Variants in ANAPC10 observed in about 807,000 individuals in gnomAD.
ANAPC10 encodes anaphase promoting complex subunit 10.
A neutral mutation model predicts 22.0 loss-of-function variants in ANAPC10; 12 were observed. The observed-to-expected ratio is 0.55, with a 90% CI of 0.35 to 0.88. ANAPC10 has a LOEUF of 0.88. Ranked by LOEUF, ANAPC10 falls within the 40% of genes least tolerant of loss-of-function variation. The pLI is 0.01. For synonymous variants in ANAPC10, 65 were observed against 69.5 expected (o/e 0.94, Z 0.32); for missense variants, 188 against 220.9 (o/e 0.85, Z 0.94).
At chr4:145,030,420 C>T (rs1011668243) in intron 4 of ANAPC10, among the ~76,000 whole-genome samples, 3 of 152,190 alleles carry the variant, frequency 2.0e-5, no homozygotes, top group African/African-American at 7.2e-5. Context: ...AAGGTAACTG[C>T]ACTGGGGAAA....
intron 4 of ANAPC10, among the ~76,000 whole-genome samples, chr4:145,022,675 A>G (rs1246367744): frequency 6.6e-6 from 1 of 151,930 alleles, no homozygotes; most frequent in Non-Finnish European, 1.5e-5. Context: ...ATTAAAAAGC[A>G]TATATAGGCA....
In ANAPC10 at chr4:145,058,924, C is replaced by T. The variant is rs184066588; in HGVS notation, c.327+5648G>A. On this transcript the variant is annotated intron_variant, in intron 4 of 4. Coordinates refer to ENST00000507656, the MANE Select transcript of ANAPC10 (RefSeq NM_001256706.2). ...TTTGGCCTAAAAATTATGTGTATCA[C>T]ACCAAAACATTCTACAATGACTTCA... Among the ~76,000 whole-genome samples the T allele has an allele frequency of 4.9e-3, 744 of 152,160 alleles. 1 individual carries two copies. The highest frequency in any genetic ancestry group is 7.2e-3 in the Non-Finnish European group (489 of 67,958).
chr4:145,064,608 TCTGA>T lies in ANAPC10; in HGVS notation c.287_290del (p.Val96GlufsTer2), dbSNP rs1425055224. The T allele has an allele frequency of 6.2e-7, 1 of 1,608,920 alleles. No homozygotes were observed. The highest frequency in any genetic ancestry group is 8.5e-7 in the Non-Finnish European group (1 of 1,177,382). On this transcript the variant is annotated frameshift_variant, in exon 4 of 5. Transcript: ENST00000507656. LOFTEE classifies it high-confidence loss of function. ...GAAGGTTGTGAAAATTATTTCCTAC[TCTGA>T]CTGAGATCTTGCTTGGAGTATAGCT...
At chr4:145,050,796 T>C (rs1044074452) in intron 4 of ANAPC10, among the ~76,000 whole-genome samples, 2 of 152,198 alleles carry the variant, frequency 1.3e-5, no homozygotes, top group Non-Finnish European at 2.9e-5. Context: ...CTTCCTAATA[T>C]TGAAGAGAAT....
intron 4 of ANAPC10, among the ~76,000 whole-genome samples, chr4:145,043,827 T>G (rs1292627158): frequency 6.6e-6 from 1 of 152,090 alleles, no homozygotes; most frequent in Non-Finnish European, 1.5e-5. Flanking sequence ...CTAAAATGTT[T>G]CCAGATAAAA....
intron 4 of ANAPC10, among the ~76,000 whole-genome samples, chr4:145,011,858 G>A (rs948199514): frequency 6.6e-6 from 1 of 152,076 alleles, no homozygotes; most frequent in Non-Finnish European, 1.5e-5. Context: ...TCAGGGCTAA[G>A]GAGGGAAGCA....
chr4:145,017,493 G>A (rs992302709), intron 4 of ANAPC10, among the ~76,000 whole-genome samples: 1 of 152,218 alleles, frequency 6.6e-6, no homozygotes, highest in Non-Finnish European at 1.5e-5. Flanking sequence ...AGGATGTGGA[G>A]AAATAGGAAC....
At chr4:145,081,795 A>C in intron 2 of ANAPC10, 45 bp from the exon 3 acceptor site, 1 of 1,305,542 alleles carries the variant, frequency 7.7e-7, no homozygotes, top group African/African-American at 1.5e-5. Flanking sequence ...AAAAAGAAAC[A>C]ACTATACATG....
At chr4:145,012,531 A>G (rs1734507071) in intron 4 of ANAPC10, among the ~76,000 whole-genome samples, 1 of 152,134 alleles carries the variant, frequency 6.6e-6, no homozygotes, top group African/African-American at 2.4e-5. Context: ...CATCAGATTC[A>G]TTTAACAGCA....
At chr4:145,048,491 T>G (rs1255808337) in intron 4 of ANAPC10, among the ~76,000 whole-genome samples, 1 of 152,180 alleles carries the variant, frequency 6.6e-6, no homozygotes, top group Non-Finnish European at 1.5e-5. Context: ...TTCTTCTACT[T>G]ACAGATTCAT....
chr4:145,037,701 C>T (rs1490055856), intron 4 of ANAPC10, among the ~76,000 whole-genome samples: 7 of 152,154 alleles, frequency 4.6e-5, no homozygotes, highest in Non-Finnish European at 1.0e-4. Flanking sequence ...AATCCCATGT[C>T]TTTCGGAGGC....
At chr4:145,045,214 A>G (rs1740120629) in intron 4 of ANAPC10, among the ~76,000 whole-genome samples, 1 of 152,138 alleles carries the variant, frequency 6.6e-6, no homozygotes, top group Admixed American at 6.6e-5. Flanking sequence ...ACTGTTTACT[A>G]TGTGACCAGG....
At chr4:145,009,806 G>T (rs1734001583) in intron 4 of ANAPC10, among the ~76,000 whole-genome samples, 1 of 152,104 alleles carries the variant, frequency 6.6e-6, no homozygotes, top group African/African-American at 2.4e-5. Flanking sequence ...GGCAACAAAA[G>T]CCAAAATTGA....
rs924527394 is a variant in ANAPC10, at chr4:145,050,150, T to G, written c.327+14422A>C. ...AATGCCTAAAGAAATGTATAAGACT[T>G]GGAAGTCAAAATTATTCCTTGATCC... On this transcript the variant is annotated intron_variant, in intron 4 of 4. Coordinates refer to ENST00000507656, the MANE Select transcript of ANAPC10 (RefSeq NM_001256706.2). Among the ~76,000 whole-genome samples, 5 of 152,336 alleles carry G rather than the reference T, an allele frequency of 3.3e-5. No individual in the cohort carries two copies. In the South Asian group the frequency reaches 1.0e-3, roughly 32 times the overall value.
chr4:144,998,481 C>G (rs1468049466), intron 4 of ANAPC10, among the ~76,000 whole-genome samples: 43 of 152,276 alleles, frequency 2.8e-4, no homozygotes, highest in Non-Finnish European at 2.9e-5. Flanking sequence ...AACGGCTCAA[C>G]TACATGGAAA....
chr4:145,029,201 A>G (rs574632983), intron 4 of ANAPC10, among the ~76,000 whole-genome samples: 42 of 152,266 alleles, frequency 2.8e-4, no homozygotes, highest in Admixed American at 7.8e-4. Flanking sequence ...GAGCTTCACC[A>G]TCCCCAGTAG....
intron 4 of ANAPC10, among the ~76,000 whole-genome samples, chr4:145,010,296 C>T (rs538109532): frequency 6.6e-6 from 1 of 152,162 alleles, no homozygotes; most frequent in African/African-American, 2.4e-5. Context: ...CTAGAAATAC[C>T]ATTTGACCCA....
chr4:145,010,786 C>T (rs894347704), intron 4 of ANAPC10, among the ~76,000 whole-genome samples: 8 of 151,928 alleles, frequency 5.3e-5, no homozygotes, highest in Admixed American at 3.9e-4. Context: ...AACAAACCTG[C>T]ACGTTGTGCA....
chr4:145,052,080 G>T (rs2126321132), intron 4 of ANAPC10, among the ~76,000 whole-genome samples: 1 of 152,282 alleles, frequency 6.6e-6, no homozygotes, highest in East Asian at 1.9e-4. Flanking sequence ...GAAGCAGGGA[G>T]TAGGATGATG....
Sources: allele counts gnomAD v4.1 joint callset (sites outside exome capture counted in the v4.1 genomes callset), GRCh38; gene constraint gnomAD v4.1.1; transcripts MANE v1.5; gene names NCBI Gene and HGNC (gene_info 2026-07-23, HGNC 2026-07-21).